The following SLIT3 variants were observed in gnomAD, a reference collection of about 807,000 sequenced individuals.
SLIT3 encodes slit homolog 3 protein.
In SLIT3, 68 loss-of-function variants were observed where a neutral mutation model predicts 184.0. The ratio of observed to expected loss-of-function variants is 0.37; its 90% CI spans 0.30 to 0.45. The LOEUF (loss-of-function observed/expected upper bound fraction) is 0.45, where lower values mean the gene tolerates loss of function less well. Among genes scored for constraint, SLIT3 ranks in the 20% least tolerant of loss-of-function variants. SLIT3 has a pLI of 1.00. For synonymous variants in SLIT3, 831 were observed against 828.6 expected (o/e 1.00, Z -0.05); for missense variants, 1,707 against 2,026.0 (o/e 0.84, Z 3.02).
intron 4 of SLIT3, among the ~76,000 whole-genome samples, chr5:169,134,400 T>A (rs976767294): frequency 6.6e-6 from 1 of 152,194 alleles, no homozygotes; most frequent in African/African-American, 2.4e-5. Flanking sequence ...AAGGTCTTCA[T>A]GCTTGCTGCT....
intron 2 of SLIT3, among the ~76,000 whole-genome samples, chr5:169,247,436 G>T (rs1390048085): frequency 6.6e-6 from 1 of 152,094 alleles, no homozygotes; most frequent in Non-Finnish European, 1.5e-5. Flanking sequence ...CTTGCTGGAT[G>T]ACAAGGACCA....
At position 169,283,579 on chromosome 5, in the gene SLIT3, C is replaced by T. The variant is rs563465457; in HGVS notation, c.197+16934G>A. On this transcript the variant is annotated intron_variant, in intron 1 of 35. Coordinates refer to ENST00000519560, the MANE Select transcript of SLIT3 (RefSeq NM_003062.4). ...CCCAATAATGAAAGAAAGGCTGCTG[C>T]TAGGAAGAAAGAGTGAATGGGTCTT... Among the ~76,000 whole-genome samples the T allele has an allele frequency of 2.6e-5, 4 of 152,242 alleles. No individual in the cohort carries two copies. The South Asian group carries it at 8.3e-4, about 32-fold the overall frequency.
chr5:169,108,672 G>A (rs1242581800), intron 4 of SLIT3, among the ~76,000 whole-genome samples: 2 of 152,132 alleles, frequency 1.3e-5, no homozygotes, highest in East Asian at 3.9e-4. Context: ...GTAGCTTTGA[G>A]AAGGAAGTCC....
intron 5 of SLIT3, among the ~76,000 whole-genome samples, chr5:168,871,521 C>A (rs530450007): frequency 6.6e-6 from 1 of 152,134 alleles, no homozygotes; most frequent in Non-Finnish European, 1.5e-5. Context: ...TTATACCTAG[C>A]CCATTAGAAG....
intron 3 of SLIT3, among the ~76,000 whole-genome samples, chr5:169,242,201 C>A (rs1449936285): frequency 1.3e-5 from 2 of 152,208 alleles, no homozygotes; most frequent in East Asian, 3.8e-4. Flanking sequence ...TAATGTCACA[C>A]ACATCCCTTC....
chr5:169,293,073 C>T (rs898643671), intron 1 of SLIT3, among the ~76,000 whole-genome samples: 3 of 152,162 alleles, frequency 2.0e-5, no homozygotes, highest in Non-Finnish European at 2.9e-5. Flanking sequence ...GGATGGAGTA[C>T]GAGGCCTATG....
intron 4 of SLIT3, among the ~76,000 whole-genome samples, chr5:169,025,885 T>G (rs1310557660): frequency 2.0e-5 from 3 of 152,164 alleles, no homozygotes; most frequent in Non-Finnish European, 2.9e-5. Flanking sequence ...CAGCCTGAAC[T>G]CTCCCCTAGT....
At chr5:169,005,433 T>C (rs549106839) in intron 4 of SLIT3, among the ~76,000 whole-genome samples, 1 of 152,316 alleles carries the variant, frequency 6.6e-6, no homozygotes, top group East Asian at 1.9e-4. Flanking sequence ...GGAGAGTTCC[T>C]GGCCCATGGC....
At chr5:168,904,937 C>T (rs113065250) in intron 4 of SLIT3, among the ~76,000 whole-genome samples, 3,241 of 152,172 alleles carry the variant, frequency 0.021, 116 homozygotes, top group African/African-American at 0.074. Flanking sequence ...GAGGCTGAGG[C>T]GGGCAGATTG....
chr5:168,746,821 A>G (rs1221349542), intron 20 of SLIT3, among the ~76,000 whole-genome samples: 3 of 18,280 alleles, frequency 1.6e-4, no homozygotes, highest in Admixed American at 1.0e-3. Flanking sequence ...GTGGTGTGTG[A>G]GTGTGGTGGT....
intron 4 of SLIT3, among the ~76,000 whole-genome samples, chr5:169,032,272 A>T (rs1757054696): frequency 1.3e-5 from 2 of 152,098 alleles, no homozygotes; most frequent in South Asian, 2.1e-4. Flanking sequence ...ATGAAAGAAC[A>T]TTTTTTTTAT....
At chr5:169,227,829 A>T (rs1308408333) in intron 3 of SLIT3, among the ~76,000 whole-genome samples, 1 of 152,208 alleles carries the variant, frequency 6.6e-6, no homozygotes, top group East Asian at 1.9e-4. Flanking sequence ...ACTTGCCTAA[A>T]TCTGCACAGC....
In SLIT3 at chr5:168,671,183, T is replaced by C; in HGVS notation, c.4127+15A>G. 1 of 1,599,558 alleles carries C rather than the reference T, an allele frequency of 6.3e-7. No individual in the cohort carries two copies. Among genetic ancestry groups the C allele is most frequent in the Non-Finnish European group, 8.5e-7 (1 of 1,170,284 alleles). On this transcript the variant is annotated intron_variant, in intron 34 of 35. Transcript: ENST00000519560. ...GGGAGCTCGAGCACACAGCCAGGGC[T>C]CCTGGGACACTGACCTGTGGCCGAG...
At chr5:168,873,716 C>T (rs545860210) in intron 5 of SLIT3, among the ~76,000 whole-genome samples, 1 of 152,232 alleles carries the variant, frequency 6.6e-6, no homozygotes, top group African/African-American at 2.4e-5. Context: ...GTTTCTCCCT[C>T]CTGGACTCCT....
At chr5:168,679,114 G>A (rs577813482) in intron 32 of SLIT3, among the ~76,000 whole-genome samples, 126 of 152,252 alleles carry the variant, frequency 8.3e-4, no homozygotes, top group South Asian at 3.7e-3. Context: ...GCTGCAGTGC[G>A]GTGGTGCAAT....
chr5:169,007,169 T>G (rs1755967104), intron 4 of SLIT3, among the ~76,000 whole-genome samples: 1 of 152,206 alleles, frequency 6.6e-6, no homozygotes, highest in South Asian at 2.1e-4. Context: ...GTGAAGAAGG[T>G]CCCTGCTTCC....
chr5:168,866,704 T>A (rs1759315176), intron 5 of SLIT3, among the ~76,000 whole-genome samples: 1 of 152,224 alleles, frequency 6.6e-6, no homozygotes, highest in South Asian at 2.1e-4. Context: ...TTGACTCTGC[T>A]ATGTGACCTT....
chr5:168,878,923 C>CA (rs1277087799), intron 5 of SLIT3, among the ~76,000 whole-genome samples: 1 of 152,098 alleles, frequency 6.6e-6, no homozygotes, highest in African/African-American at 2.4e-5. Flanking sequence ...CCATGTTGGC[C>CA]AGGCTGGTCT....
intron 4 of SLIT3, among the ~76,000 whole-genome samples, chr5:169,072,000 T>A (rs1374504211): frequency 6.6e-6 from 1 of 151,866 alleles, no homozygotes; most frequent in Non-Finnish European, 1.5e-5. Context: ...GAGTTGGAAC[T>A]AGAACAATAG....
Sources: gnomAD v4.1 joint callset for allele counts (sites outside exome capture counted in the v4.1 genomes callset) on GRCh38, gnomAD v4.1.1 for gene constraint, MANE v1.5 for transcripts, NCBI Gene and HGNC (gene_info 2026-07-23, HGNC 2026-07-21) for gene names.